The following ASAP1 variants were observed in gnomAD, a reference collection of about 807,000 sequenced individuals.
ASAP1 encodes the protein ArfGAP with SH3 domain, ankyrin repeat and PH domain 1, also known as arf-GAP with SH3 domain, ANK repeat and PH domain-containing protein 1.
Under a neutral mutation model 145.2 loss-of-function variants are expected in ASAP1, and 43 were observed. The observed-to-expected ratio is 0.30, with a 90% CI of 0.23 to 0.38. ASAP1 has a LOEUF of 0.38. Among genes scored for constraint, ASAP1 ranks in the 10% least tolerant of loss-of-function variants. The pLI, the probability that ASAP1 is intolerant of heterozygous loss-of-function variation, is 1.00. For missense variants in ASAP1, 1,018 were observed against 1,355.3 expected, an observed-to-expected ratio of 0.75 and a Z score of 3.91; for synonymous variants, 546 against 515.5, an observed-to-expected ratio of 1.06 and a Z score of -0.80.
chr8:130,439,119 A>C (rs969238141), intron 1 of ASAP1, among the ~76,000 whole-genome samples: 9 of 152,194 alleles, frequency 5.9e-5, no homozygotes, highest in African/African-American at 2.2e-4. Context: ...AAGATGCCAG[A>C]AGGGAGAATC....
At chr8:130,255,583 A>T (rs1819462130) in intron 3 of ASAP1, among the ~76,000 whole-genome samples, 1 of 152,138 alleles carries the variant, frequency 6.6e-6, no homozygotes, top group Non-Finnish European at 1.5e-5. Flanking sequence ...TTCCACTTTC[A>T]TTAATGGTAC....
chr8:130,353,590 C>A (rs1395941696), intron 3 of ASAP1, among the ~76,000 whole-genome samples: 1 of 152,190 alleles, frequency 6.6e-6, no homozygotes, highest in Non-Finnish European at 1.5e-5. Flanking sequence ...AAACTCTGGG[C>A]CAGGCGTGGT....
At chr8:130,382,517 G>A (rs1827828940) in intron 2 of ASAP1, among the ~76,000 whole-genome samples, 1 of 152,140 alleles carries the variant, frequency 6.6e-6, no homozygotes, top group African/African-American at 2.4e-5. Flanking sequence ...CACAGGCACT[G>A]TCATGTATTC....
chr8:130,145,023 A>G (rs1329837686), intron 13 of ASAP1, among the ~76,000 whole-genome samples: 1 of 152,238 alleles, frequency 6.6e-6, no homozygotes, highest in East Asian at 1.9e-4. Context: ...ATAGAAAAAA[A>G]GAGCTTACTG....
At chr8:130,412,053 T>C (rs1360850576) in intron 1 of ASAP1, among the ~76,000 whole-genome samples, 1 of 152,184 alleles carries the variant, frequency 6.6e-6, no homozygotes, top group African/African-American at 2.4e-5. Context: ...ATCGGCCACA[T>C]AGCCCCTTTC....
In ASAP1 at chr8:130,060,106, TAGAG is replaced by T. The variant is rs1334671946; in HGVS notation, c.3192+469_3192+472del. Among the ~76,000 whole-genome samples the T allele has an allele frequency of 7.7e-4, 64 of 82,626 alleles. No homozygotes were observed. The South Asian group carries it at 0.017, about 22-fold the overall frequency. The allele number at this position is 82,626 out of a possible 152,430, so 54.2% of individuals were successfully genotyped here. On this transcript the variant is annotated intron_variant, in intron 28 of 29. Coordinates refer to ENST00000518721, the MANE Select transcript of ASAP1 (RefSeq NM_018482.4). ...AAAAAAAAAAAAAAAAAAAAAAAAA[TAGAG>T]AGAGAGAGAAAATACCCAGAACCCC... is the stretch of plus-strand genomic sequence containing the variant.
At chr8:130,224,006 A>T (rs1048892779) in intron 4 of ASAP1, among the ~76,000 whole-genome samples, 3 of 152,134 alleles carry the variant, frequency 2.0e-5, no homozygotes, top group Non-Finnish European at 4.4e-5. Context: ...GACTCTTTCA[A>T]TGTAAGTGTA....
At chr8:130,149,011 ATT>A (rs397892008) in intron 13 of ASAP1, among the ~76,000 whole-genome samples, 37 of 123,882 alleles carry the variant, frequency 3.0e-4, no homozygotes, top group Middle Eastern at 7.9e-3. Flanking sequence ...TAATTTTTGC[ATT>A]TTTTTTTTTT....
chr8:130,160,636 C>A, intron 11 of ASAP1: 1 of 364,384 alleles, frequency 2.7e-6, no homozygotes, highest in Non-Finnish European at 4.8e-6. Context: ...GACATTTAAC[C>A]ATAGTTTCTA....
chr8:130,358,092 G>A lies in ASAP1; in HGVS notation c.111C>T (p.Asp37=). The change falls in exon 3 of 30, where the codon GAC becomes GAT. Residue 37 remains aspartate (D), a synonymous_variant. Transcript: ENST00000518721. The surrounding 1 kb of genome is among the most constrained non-coding windows in gnomAD (Gnocchi z 4.1). ...VSEFIAETTE[D]YNSPTTSSFT... is the part of the protein sequence containing the mutation. ...AGCTGGACGTGGTGGGCGAGTTGTA[G>A]TCCTCGGTGGTCTCGGCGATGAACT... 6.2e-7 allele frequency: 1 copy of A among 1,610,520 alleles called. No individual in the cohort carries two copies. Among genetic ancestry groups the A allele is most frequent in the South Asian group, 1.1e-5 (1 of 90,442 alleles).
chr8:130,190,333 G>A (rs1286652491), intron 5 of ASAP1, among the ~76,000 whole-genome samples: 1 of 152,040 alleles, frequency 6.6e-6, no homozygotes, highest in Non-Finnish European at 1.5e-5. Flanking sequence ...TTTTGTATAT[G>A]GTGAGAGATA....
At chr8:130,319,644 C>T (rs998628361) in intron 3 of ASAP1, among the ~76,000 whole-genome samples, 1 of 152,184 alleles carries the variant, frequency 6.6e-6, no homozygotes, top group African/African-American at 2.4e-5. Context: ...CTAGACCCAG[C>T]AACTCTACTT....
intron 27 of ASAP1, among the ~76,000 whole-genome samples, chr8:130,068,428 A>G (rs1367602271): frequency 2.6e-5 from 4 of 152,200 alleles, no homozygotes; most frequent in Non-Finnish European, 5.9e-5. Context: ...TAACTATGGA[A>G]ACTAGAGGGT....
chr8:130,417,243 CAGAT>C (rs1829522425), intron 1 of ASAP1, among the ~76,000 whole-genome samples: 2 of 151,610 alleles, frequency 1.3e-5, no homozygotes, highest in Non-Finnish European at 3.0e-5. Context: ...TACAGACAGA[CAGAT>C]ATACAACCCA....
chr8:130,138,163 C>T (rs1283780902), intron 13 of ASAP1, among the ~76,000 whole-genome samples: 3 of 152,184 alleles, frequency 2.0e-5, no homozygotes, highest in African/African-American at 7.2e-5. Context: ...ACAATCAAGA[C>T]ACCTTCAATG....
At chr8:130,416,687 T>C (rs1326316482) in intron 1 of ASAP1, among the ~76,000 whole-genome samples, 2 of 152,202 alleles carry the variant, frequency 1.3e-5, no homozygotes, top group African/African-American at 4.8e-5. Flanking sequence ...CAGAATGCAT[T>C]AGTGCCCCAA....
Position 130,099,490 on chromosome 8 carries a change from A to G in ASAP1, c.2402-7347T>C, listed in dbSNP as rs535766923. On this transcript the variant is annotated intron_variant, in intron 24 of 29. Transcript: ENST00000518721. ...CCACTGCGCCCGGCCAGGCCCAGCT[A>G]ATTTTTTAAGAAAAACTTTTTGTGG... Among the ~76,000 whole-genome samples the G allele has an allele frequency of 1.2e-4, 18 of 151,416 alleles. No homozygotes were observed. The South Asian group carries it at 3.5e-3, about 30-fold the overall frequency.
intron 2 of ASAP1, among the ~76,000 whole-genome samples, chr8:130,386,023 A>C (rs1277770742): frequency 6.6e-6 from 1 of 152,156 alleles, no homozygotes; most frequent in East Asian, 1.9e-4. Context: ...ACGTGACCCA[A>C]GATAGACCAA....
intron 15 of ASAP1, among the ~76,000 whole-genome samples, chr8:130,132,345 C>A (rs2097584439): frequency 6.6e-6 from 1 of 152,196 alleles, no homozygotes; most frequent in South Asian, 2.1e-4. Flanking sequence ...CCTCTGACTT[C>A]CTCCTCATTG....
Sources: allele counts gnomAD v4.1 joint callset (sites outside exome capture counted in the v4.1 genomes callset), GRCh38; gene constraint gnomAD v4.1.1; non-coding constraint Gnocchi (gnomAD v3.1); transcripts MANE v1.5; gene names NCBI Gene and HGNC (gene_info 2026-07-23, HGNC 2026-07-21).